The following TRAK1 variants were observed in gnomAD, a reference collection of about 807,000 sequenced individuals.
The protein encoded by TRAK1 is trafficking kinesin protein 1.
A neutral mutation model predicts 92.1 loss-of-function variants in TRAK1; 33 were observed. That is an observed-to-expected ratio of 0.36 (90% CI 0.27 to 0.48). The LOEUF (loss-of-function observed/expected upper bound fraction) is 0.48, where lower values mean the gene tolerates loss of function less well. Ranked by LOEUF, TRAK1 falls within the 20% of genes least tolerant of loss-of-function variation. The probability of loss-of-function intolerance (pLI) is 0.99; values close to 1 mark genes in which losing one functional copy is unlikely to be tolerated. For synonymous variants in TRAK1, 521 were observed against 517.3 expected, an observed-to-expected ratio of 1.01 and a Z score of -0.10; for missense variants, 1,123 against 1,257.9, an observed-to-expected ratio of 0.89 and a Z score of 1.62.
At chr3:42,055,505 C>T (rs1703166476) in intron 1 of TRAK1, among the ~76,000 whole-genome samples, 1 of 152,218 alleles carries the variant, frequency 6.6e-6, no homozygotes, top group African/African-American at 2.4e-5. Flanking sequence ...CTCTGTTGCC[C>T]AAGCTGGAAT....
chr3:42,219,731 C>A, intron 15 of TRAK1, 135 bp downstream of exon 15: 1 of 793,632 alleles, frequency 1.3e-6, no homozygotes, highest in South Asian at 1.6e-5. Context: ...GTAAGCATCT[C>A]AGCATTTGCA....
chr3:42,034,529 G>C (rs1298673455), intron 1 of TRAK1, among the ~76,000 whole-genome samples: 1 of 152,150 alleles, frequency 6.6e-6, no homozygotes, highest in African/African-American at 2.4e-5. Flanking sequence ...GGGCTCAAGT[G>C]GTCTGCCCGC....
rs778274238 is a variant in TRAK1, at chr3:42,030,362, T to TAAAAA, written c.-519+16252_-519+16256dup. ...GTGAGACAAAGCGAGACCCTGTCTC[T>TAAAAA]AAAAAAAAAAATATATATATATATA... is the stretch of plus-strand genomic sequence containing the variant. On this transcript the variant is annotated intron_variant, in intron 1 of 16. Transcript: ENST00000487159. Among the ~76,000 whole-genome samples the TAAAAA allele has an allele frequency of 1.1e-3, 149 of 130,396 alleles. 1 individual carries two copies. The highest frequency in any genetic ancestry group is 1.7e-3 in the African/African-American group (62 of 36,128). 85.5% of individuals were successfully genotyped at this position (130,396 alleles called of 152,430 possible). A position where few individuals can be genotyped will look rare whatever the true frequency, so the allele number is the denominator to read the frequency against.
intron 1 of TRAK1, among the ~76,000 whole-genome samples, chr3:42,042,118 G>A (rs1702567166): frequency 6.6e-6 from 1 of 152,050 alleles, no homozygotes; most frequent in African/African-American, 2.4e-5. Flanking sequence ...GTAGTGACGG[G>A]GTTTCGCCAT....
Position 42,184,884 on chromosome 3 carries a change from T to C in TRAK1, c.480+83T>C, listed in dbSNP as rs182188033. On this transcript the variant is annotated intron_variant, in intron 4 of 15. Coordinates refer to ENST00000327628, the MANE Select transcript of TRAK1 (RefSeq NM_001042646.3). ...GGCATGGCTGAAGGAGATGAGAGAA[T>C]GGAGTCCTAGTTGGAAGGACGCTCC... is the stretch of plus-strand genomic sequence containing the variant. 2.6e-4 allele frequency: 348 copies of C among 1,331,466 alleles called. 2 individuals carry two copies. The African/African-American group carries it at 3.9e-3, about 15-fold the overall frequency. The allele number at this position is 1,331,466 out of a possible 1,614,324, so 82.5% of individuals were successfully genotyped here. A position where few individuals can be genotyped will look rare whatever the true frequency, so the allele number is the denominator to read the frequency against.
intron 14 of TRAK1, chr3:42,217,564 G>T: frequency 2.0e-6 from 2 of 985,420 alleles, no homozygotes; most frequent in Non-Finnish European, 2.4e-6. Context: ...GGAGGAGGAA[G>T]TGAACATTTG....
chr3:42,099,851 G>A (rs1706485583), intron 1 of TRAK1, among the ~76,000 whole-genome samples: 1 of 152,216 alleles, frequency 6.6e-6, no homozygotes, highest in Non-Finnish European at 1.5e-5. Flanking sequence ...AAGGGGCAAA[G>A]CTGACTTTGT....
intron 1 of TRAK1, among the ~76,000 whole-genome samples, chr3:42,066,538 C>T (rs1703689160): frequency 6.6e-6 from 1 of 151,066 alleles, no homozygotes; most frequent in Non-Finnish European, 1.5e-5. Flanking sequence ...GACCTTCCGC[C>T]GTTGGTGCTT....
chr3:42,206,434 G>C (rs1314105543), intron 13 of TRAK1, among the ~76,000 whole-genome samples: 2 of 152,204 alleles, frequency 1.3e-5, no homozygotes, highest in Non-Finnish European at 2.9e-5. Context: ...TGTAAGGCCT[G>C]TCACTGCTGA....
intron 1 of TRAK1, among the ~76,000 whole-genome samples, chr3:42,046,181 T>A (rs930831184): frequency 2.0e-5 from 3 of 152,174 alleles, no homozygotes; most frequent in Non-Finnish European, 4.4e-5. Flanking sequence ...GTCCCTAAAC[T>A]GAAGGGCAAC....
At chr3:42,113,893 G>T (rs560716126) in intron 1 of TRAK1, among the ~76,000 whole-genome samples, 2 of 152,284 alleles carry the variant, frequency 1.3e-5, no homozygotes, top group African/African-American at 4.8e-5. Context: ...GTGGCGTTTA[G>T]TACATTCAAA....
intron 14 of TRAK1, chr3:42,212,572 G>C (rs1709182763): frequency 1.0e-6 from 1 of 969,776 alleles, no homozygotes; most frequent in Non-Finnish European, 1.2e-6. Context: ...ATGAATCCAT[G>C]TTATTGTATT....
intron 1 of TRAK1, among the ~76,000 whole-genome samples, chr3:42,099,130 G>T (rs1026857693): frequency 1.3e-5 from 2 of 152,142 alleles, no homozygotes; most frequent in African/African-American, 2.4e-5. Context: ...TAGGAGGGCC[G>T]TGGAGGTCCC....
rs753076354 is a variant in TRAK1 at position 42,219,527 on chromosome 3, A to G, written c.1997A>G (p.Asn666Ser). ...HHPGKCMSQT[N>S]STFTFTTCRI... is the part of the protein sequence containing the mutation. ...CCTGGGAAGTGCATGTCTCAGACCA[A>G]CTCCACCTTCACCTTCACCACCTGT... is the stretch of plus-strand genomic sequence containing the variant. The change falls in exon 15 of 16, where the codon AAC becomes AGC. Residue 666 changes from asparagine (N) to serine (S), a missense_variant. Coordinates refer to ENST00000327628, the MANE Select transcript of TRAK1 (RefSeq NM_001042646.3). 16 of 1,611,740 alleles carry G rather than the reference A, an allele frequency of 9.9e-6. No homozygotes were observed. Among genetic ancestry groups the G allele is most frequent in the Admixed American group, 5.0e-5 (3 of 59,816 alleles).
chr3:42,128,250 G>A (rs760804337), intron 2 of TRAK1, among the ~76,000 whole-genome samples: 9 of 152,128 alleles, frequency 5.9e-5, no homozygotes, highest in Non-Finnish European at 7.4e-5. Flanking sequence ...TTTTTTGTTT[G>A]TTTGCTTTGT....
chr3:42,149,728 C>T, intron 2 of TRAK1: 1 of 1,187,424 alleles, frequency 8.4e-7, no homozygotes. Flanking sequence ...ACTAGCACCA[C>T]TGGCTCTGGC....
chr3:42,183,568 A>AAAAAAAAAAAAAAAAAAAAAG (rs1553751625), intron 3 of TRAK1, among the ~76,000 whole-genome samples: 1 of 145,220 alleles, frequency 6.9e-6, no homozygotes, highest in Non-Finnish European at 1.5e-5. Flanking sequence ...AAAAAAAAAA[A>AAAAAAAAAAAAAAAAAAAAAG]AAAGAAAGAA....
intron 2 of TRAK1, among the ~76,000 whole-genome samples, chr3:42,148,790 T>G (rs1023000114): frequency 6.6e-6 from 1 of 152,186 alleles, no homozygotes; most frequent in African/African-American, 2.4e-5. Flanking sequence ...TTACATTTCC[T>G]TTAAGTGGTG....
intron 1 of TRAK1, among the ~76,000 whole-genome samples, chr3:42,108,932 G>T (rs2149058225): frequency 6.6e-6 from 1 of 152,286 alleles, no homozygotes; most frequent in Non-Finnish European, 1.5e-5. Context: ...CTGGAAGTTG[G>T]GCTAGGAGAA....
Sources: gnomAD v4.1 joint callset for allele counts (sites outside exome capture counted in the v4.1 genomes callset) on GRCh38, gnomAD v4.1.1 for gene constraint, MANE v1.5 for transcripts, NCBI Gene and HGNC (gene_info 2026-07-23, HGNC 2026-07-21) for gene names.